The following CHST1 variants were observed in gnomAD, a reference collection of about 807,000 sequenced individuals.
CHST1 encodes the protein carbohydrate sulfotransferase 1, also known as Keratan sulfotransferase.
In CHST1, 10 loss-of-function variants were observed where a neutral mutation model predicts 22.5. The observed-to-expected ratio is 0.44, with a 90% CI of 0.27 to 0.75. The LOEUF is 0.75. Ranked by LOEUF, CHST1 falls within the 30% of genes least tolerant of loss-of-function variation. The probability of loss-of-function intolerance (pLI) is 0.15; values close to 1 mark genes in which losing one functional copy is unlikely to be tolerated. For synonymous variants in CHST1, 267 were observed against 264.5 expected, an observed-to-expected ratio of 1.01 and a Z score of -0.09; for missense variants, 439 against 576.1, an observed-to-expected ratio of 0.76 and a Z score of 2.44.
At position 45,649,696 on chromosome 11, in the gene CHST1, A is replaced by C; in HGVS notation, c.1228T>G (p.Phe410Val). The C allele has an allele frequency of 1.9e-6, 3 of 1,565,752 alleles. No homozygotes were observed. The highest frequency in any genetic ancestry group is 2.6e-6 in the Non-Finnish European group (3 of 1,159,324). ...CACCCGCACCGCCCGGGTCACGAGA[A>C]GGGGCGGAAGTCCCGCTCCTCCACC... The part of the protein sequence containing the change: ...SLVEERDFRP[F>V]S The change falls in exon 4 of 4, where the codon TTC becomes GTC. Residue 410 changes from phenylalanine to valine, a missense_variant. Physicochemically the swap from Phe to Val is conservative, Grantham distance 50 (BLOSUM62 -1). Coordinates refer to ENST00000308064, the MANE Select transcript of CHST1 (RefSeq NM_003654.6).
intron 1 of CHST1, among the ~76,000 whole-genome samples, chr11:45,654,318 G>A (rs756347547): frequency 7.2e-5 from 11 of 152,314 alleles, no homozygotes; most frequent in Non-Finnish European, 7.4e-5. Flanking sequence ...AGCGAGACTC[G>A]GCCTCACAAG....
chr11:45,658,554 G>C (rs1477891300), intron 1 of CHST1, among the ~76,000 whole-genome samples: 1 of 152,204 alleles, frequency 6.6e-6, no homozygotes, highest in Non-Finnish European at 1.5e-5. Context: ...TGCCGTGGAG[G>C]GTGGGAGTGG....
intron 1 of CHST1, among the ~76,000 whole-genome samples, chr11:45,662,883 G>A (rs1852152380): frequency 6.6e-6 from 1 of 152,108 alleles, no homozygotes; most frequent in African/African-American, 2.4e-5. Flanking sequence ...CCCTCTGACA[G>A]GGAGGCCAGA....
Position 45,649,161 on chromosome 11 carries a change from G to GGTTTTTACTGT in CHST1, c.*526_*527insACAGTAAAAAC. 4 of 153,528 alleles carry GGTTTTTACTGT rather than the reference G, an allele frequency of 2.6e-5. No individual in the cohort carries two copies. The highest frequency in any genetic ancestry group is 9.7e-5 in the African/African-American group (4 of 41,420). The allele number at this position is 153,528 out of a possible 1,614,324, so 9.5% of individuals were successfully genotyped here. A position where few individuals can be genotyped will look rare whatever the true frequency, so the allele number is the denominator to read the frequency against. On this transcript the variant is annotated 3_prime_UTR_variant, in exon 4 of 4. Transcript: ENST00000308064. Reference sequence around the variant, plus strand: ...CCTCACCGACAGGCAAGGGCGGGCAGGAGGGGGCAGTTTCGCTGCTCTAAG... The same window carrying GGTTTTTACTGT: ...CCTCACCGACAGGCAAGGGCGGGCAGGTTTTTACTGTGAGGGGGCAGTTTCGCTGCTCTAAG...
rs906154200 is a variant in CHST1 at position 45,649,664 on chromosome 11, C to T, written c.*24G>A. On this transcript the variant is annotated 3_prime_UTR_variant, in exon 4 of 4. Coordinates refer to ENST00000308064, the MANE Select transcript of CHST1 (RefSeq NM_003654.6). ...TATCAAAACCGACACCTTGCGCCTCCCGCCCCCACCCGCACCGCCCGGGTC... is the reference window on the plus strand; with the variant it reads ...TATCAAAACCGACACCTTGCGCCTCTCGCCCCCACCCGCACCGCCCGGGTC... 3.3e-6 allele frequency: 5 copies of T among 1,518,962 alleles called. No individual in the cohort carries two copies. Among genetic ancestry groups the T allele is most frequent in the Non-Finnish European group, 4.4e-6 (5 of 1,141,548 alleles). The allele number at this position is 1,518,962 out of a possible 1,614,324, so 94.1% of individuals were successfully genotyped here.
intron 1 of CHST1, among the ~76,000 whole-genome samples, chr11:45,655,590 G>A (rs1467967178): frequency 6.6e-6 from 1 of 152,252 alleles, no homozygotes; most frequent in Admixed American, 6.5e-5. Context: ...GCCCACCCGG[G>A]CTGCGGCCTC....
chr11:45,652,490 A>G (rs1417799252), intron 2 of CHST1, 31 bp downstream of exon 2: 1 of 152,210 alleles, frequency 6.6e-6, no homozygotes, highest in Non-Finnish European at 1.5e-5. Flanking sequence ...GAAGTGGGTT[A>G]GCAGAAGTCA....
intron 1 of CHST1, among the ~76,000 whole-genome samples, chr11:45,662,773 T>TAGCCAG (rs1852150740): frequency 6.6e-6 from 1 of 152,126 alleles, no homozygotes. Context: ...CCCGGGCACC[T>TAGCCAG]AGCCAGAAGG....
chr11:45,664,633 C>T lies in CHST1; in HGVS notation c.-227+545G>A, dbSNP rs565085213. 2.0e-3 allele frequency among the ~76,000 whole-genome samples: 310 copies of T among 152,350 alleles called. 2 individuals are homozygous for T. Among genetic ancestry groups the T allele is most frequent in the African/African-American group, 7.1e-3 (297 of 41,588 alleles). ...GAGCGGGAGGGTTGTTCCGGCTTTC[C>T]GTGGTGGGCTCTGCACCATCCGGCG... On this transcript the variant is annotated intron_variant, in intron 1 of 3. Transcript: ENST00000308064.
intron 1 of CHST1, among the ~76,000 whole-genome samples, chr11:45,664,935 C>A (rs1477314396): frequency 6.6e-6 from 1 of 152,200 alleles, no homozygotes; most frequent in East Asian, 1.9e-4. Context: ...AAGTTTGCTG[C>A]CCTCCTCGAA....
rs1279916155 is a variant in CHST1 at position 45,650,151 on chromosome 11, T to C, written c.773A>G (p.Tyr258Cys). 6.2e-7 allele frequency: 1 copy of C among 1,613,582 alleles called. No individual in the cohort carries two copies. The highest frequency in any genetic ancestry group is 1.7e-5 in the Admixed American group (1 of 60,010). The change falls in exon 4 of 4, where the codon TAC becomes TGC. Residue 258 changes from tyrosine (Y) to cysteine (C), a missense_variant. Coordinates refer to ENST00000308064, the MANE Select transcript of CHST1 (RefSeq NM_003654.6). ...GTTGTAGGGTTTCCTCCCGGTGCCG[T>C]ACCAGAGCCGCCAGAGCCGGTACGT... ...RDTYRLWRLW[Y>C]GTGRKPYNLD...
intron 1 of CHST1, among the ~76,000 whole-genome samples, chr11:45,657,098 C>T (rs1239907705): frequency 6.6e-6 from 1 of 151,826 alleles, no homozygotes; most frequent in African/African-American, 2.4e-5. Flanking sequence ...GCTCTGGGGT[C>T]CCAAGAACTG....
chr11:45,651,024 C>T, intron 3 of CHST1, 59 bp from the exon 4 acceptor site: 5 of 1,307,502 alleles, frequency 3.8e-6, no homozygotes, highest in Non-Finnish European at 5.1e-6. Context: ...TGGCTTGTCC[C>T]TTGGAAGAGC....
rs975977257 is a variant in CHST1, at chr11:45,649,492, C to T, written c.*196G>A. On this transcript the variant is annotated 3_prime_UTR_variant, in exon 4 of 4. Transcript: ENST00000308064. ...GGACCCTACTTCAGGCGCCCTCTGC[C>T]CCAGTGATTCCCGTCCAAGACGTAG... 1.7e-6 allele frequency: 1 copy of T among 601,596 alleles called. No individual in the cohort carries two copies. Among genetic ancestry groups the T allele is most frequent in the Admixed American group, 3.3e-5 (1 of 30,324 alleles). 37.3% of individuals were successfully genotyped at this position (601,596 alleles called of 1,614,324 possible).
intron 1 of CHST1, among the ~76,000 whole-genome samples, chr11:45,662,015 G>C (rs116153008): frequency 0.012 from 1,837 of 152,318 alleles, 34 homozygotes; most frequent in African/African-American, 0.038. Flanking sequence ...GACTCTCAGG[G>C]CATGCTGGGA....
At position 45,665,454 on chromosome 11, in the gene CHST1, G is replaced by C. The variant is rs1031417375; in HGVS notation, c.-503C>G. On this transcript the variant is annotated 5_prime_UTR_variant, in exon 1 of 4. Transcript: ENST00000308064. The surrounding 1 kb of genome is among the most constrained non-coding windows in gnomAD (Gnocchi z 4.0). Reference sequence around the variant, plus strand: ...TCTCCGGCCGGACGCGGGACCCGGGGCCGGGGCTCAGGGACCCGAGAGATG... The same window carrying C: ...TCTCCGGCCGGACGCGGGACCCGGGCCCGGGGCTCAGGGACCCGAGAGATG... 6.6e-6 allele frequency: 1 copy of C among 151,820 alleles called. No individual in the cohort carries two copies. The highest frequency in any genetic ancestry group is 2.4e-5 in the African/African-American group (1 of 41,364). The allele number at this position is 151,820 out of a possible 1,614,324, so 9.4% of individuals were successfully genotyped here.
chr11:45,653,206 C>G (rs1456210177), intron 1 of CHST1, among the ~76,000 whole-genome samples: 2 of 152,044 alleles, frequency 1.3e-5, no homozygotes. Context: ...CTCAGCTCAC[C>G]CAACTTCTAG....
chr11:45,661,332 T>C (rs1455156010), intron 1 of CHST1, among the ~76,000 whole-genome samples: 1 of 152,222 alleles, frequency 6.6e-6, no homozygotes, highest in Non-Finnish European at 1.5e-5. Context: ...AGATCTTATC[T>C]AACATCTTCA....
rs1035015340 is a variant in CHST1, at chr11:45,649,118, C to A, written c.*570G>T. On this transcript the variant is annotated 3_prime_UTR_variant, in exon 4 of 4. Transcript: ENST00000308064. ...GGAAACAGAAACAGGTCCACGTTCA[C>A]CTCACAGTAAAAACCTGCCTCACCG... 1 of 152,812 alleles carries A rather than the reference C, an allele frequency of 6.5e-6. No homozygotes were observed. The highest frequency in any genetic ancestry group is 1.5e-5 in the Non-Finnish European group (1 of 68,418). The allele number at this position is 152,812 out of a possible 1,614,324, so 9.5% of individuals were successfully genotyped here. A position where few individuals can be genotyped will look rare whatever the true frequency, so the allele number is the denominator to read the frequency against.
Sources: gnomAD v4.1 joint callset for allele counts (sites outside exome capture counted in the v4.1 genomes callset) on GRCh38, gnomAD v4.1.1 for gene constraint, Gnocchi (gnomAD v3.1) non-coding constraint, MANE v1.5 for transcripts, NCBI Gene and HGNC (gene_info 2026-07-23, HGNC 2026-07-21) for gene names.